POPDC1: variants seen among roughly 807,000 people sequenced by gnomAD.
POPDC1 encodes the protein popeye domain cAMP effector 1, also known as popeye domain-containing protein 1.
chr6:105,104,109 A>T, the POPDC1 span, among the ~76,000 whole-genome samples: 64 of 152,060 alleles, frequency 4.2e-4, no homozygotes, highest in African/African-American at 1.4e-3. Flanking sequence ...CTGCTCTTCA[A>T]ATCCAGCCCA....
the POPDC1 span, among the ~76,000 whole-genome samples, chr6:105,129,951 A>ACTGTAAATCAAACACATTTTT: frequency 2.0e-5 from 3 of 152,348 alleles, no homozygotes; most frequent in East Asian, 5.8e-4. Context: ...AACACATTTT[A>ACTGTAAATCAAACACATTTTT]GAACTACCTA....
chr6:105,123,508 C>A, the POPDC1 span, among the ~76,000 whole-genome samples: 3 of 152,092 alleles, frequency 2.0e-5, no homozygotes, highest in South Asian at 6.2e-4. Flanking sequence ...TCACGCCATT[C>A]TCCTGCCTCA....
chr6:105,110,686 G>A, the POPDC1 span, among the ~76,000 whole-genome samples: 1 of 51,766 alleles, frequency 1.9e-5, no homozygotes, highest in South Asian at 7.0e-4. Context: ...GTCCACAACA[G>A]CATTTTTTTT....
At chr6:105,114,075 T>C in the POPDC1 span, among the ~76,000 whole-genome samples, 173 of 152,294 alleles carry the variant, frequency 1.1e-3, no homozygotes, top group African/African-American at 3.8e-3. Context: ...AAGGACAAGA[T>C]GTCGAGGCAG....
chr6:105,105,185 C>A, the POPDC1 span, among the ~76,000 whole-genome samples: 4 of 152,186 alleles, frequency 2.6e-5, no homozygotes, highest in African/African-American at 9.7e-5. Context: ...GCAATCCCCC[C>A]CCAACTCCCT....
chr6:105,118,475 C>T, the POPDC1 span, among the ~76,000 whole-genome samples: 1 of 152,292 alleles, frequency 6.6e-6, no homozygotes, highest in South Asian at 2.1e-4. Flanking sequence ...TTCATTCATT[C>T]TTTCGATACA....
At chr6:105,101,646 C>A in the POPDC1 span, among the ~76,000 whole-genome samples, 1 of 152,198 alleles carries the variant, frequency 6.6e-6, no homozygotes, top group African/African-American at 2.4e-5. Context: ...AACCTAATCA[C>A]CATCTGTAAT....
chr6:105,120,257 C>CAAA, the POPDC1 span, among the ~76,000 whole-genome samples: 1 of 614 alleles, frequency 1.6e-3, no homozygotes, highest in African/African-American at 6.0e-3. Flanking sequence ...GACTCCGTCT[C>CAAA]AAAAAAAAAA....
chr6:105,117,086 T>C, the POPDC1 span, among the ~76,000 whole-genome samples: 11 of 152,360 alleles, frequency 7.2e-5, no homozygotes, highest in African/African-American at 2.6e-4. Flanking sequence ...GCAAATTCTC[T>C]GTGTTTCCTT....
chr6:105,132,803 A>C, the POPDC1 span, among the ~76,000 whole-genome samples: 2 of 152,236 alleles, frequency 1.3e-5, no homozygotes, highest in African/African-American at 2.4e-5. Flanking sequence ...TGTATCTGGT[A>C]ATTGTTTTTG....
the POPDC1 span, chr6:105,116,721 C>G: frequency 6.3e-7 from 1 of 1,596,746 alleles, no homozygotes; most frequent in Non-Finnish European, 8.5e-7. Flanking sequence ...AAGGTGGGAT[C>G]ATTCAATGAG....
the POPDC1 span, chr6:105,101,209 C>A: frequency 1.2e-6 from 2 of 1,609,054 alleles, no homozygotes; most frequent in Middle Eastern, 1.7e-4. Flanking sequence ...GTGGGGATGA[C>A]ACATCTGTGG....
chr6:105,106,902 A>T, the POPDC1 span, among the ~76,000 whole-genome samples: 1 of 152,254 alleles, frequency 6.6e-6, no homozygotes, highest in African/African-American at 2.4e-5. Context: ...TGATTATATC[A>T]GGGTAAATAG....
At chr6:105,098,477 T>C in the POPDC1 span, 4 of 152,248 alleles carry the variant, frequency 2.6e-5, no homozygotes, top group African/African-American at 4.8e-5. Context: ...TTATATCACC[T>C]ACTTTTAGCA....
chr6:105,113,579 C>T, the POPDC1 span, among the ~76,000 whole-genome samples: 1 of 152,202 alleles, frequency 6.6e-6, no homozygotes, highest in African/African-American at 2.4e-5. Flanking sequence ...GACTGTCTTC[C>T]TTCTGCAGTT....
chr6:105,115,847 G>A, the POPDC1 span: 4 of 1,610,520 alleles, frequency 2.5e-6, no homozygotes, highest in African/African-American at 4.0e-5. Context: ...AAAGTTTTAA[G>A]CTTTCTGAGA....
chr6:105,106,260 A>G, the POPDC1 span, among the ~76,000 whole-genome samples: 2 of 152,188 alleles, frequency 1.3e-5, no homozygotes, highest in Admixed American at 1.3e-4. Flanking sequence ...TATTACACCA[A>G]GTGGCAAAAA....
chr6:105,116,691 G>C, the POPDC1 span: 1 of 1,560,656 alleles, frequency 6.4e-7, no homozygotes, highest in South Asian at 1.2e-5. Flanking sequence ...TAAACTCAGA[G>C]AACACTTACT....
the POPDC1 span, chr6:105,098,445 T>G: frequency 3.4e-4 from 51 of 152,198 alleles, 1 homozygote; most frequent in African/African-American, 1.1e-3. Flanking sequence ...CACACATACT[T>G]TAATAAAAAC....
Sources: allele counts gnomAD v4.1 joint callset (sites outside exome capture counted in the v4.1 genomes callset), GRCh38; gene constraint gnomAD v4.1.1; transcripts MANE v1.5; gene names NCBI Gene and HGNC (gene_info 2026-07-23, HGNC 2026-07-21).